The following SGCZ variants were observed in gnomAD, a reference collection of about 807,000 sequenced individuals.
SGCZ encodes sarcoglycan zeta.
Under a neutral mutation model 41.3 loss-of-function variants are expected in SGCZ, and 40 were observed. The observed-to-expected ratio is 0.97, with a 90% CI of 0.75 to 1.26. The LOEUF (loss-of-function observed/expected upper bound fraction) is 1.26. Among genes scored for constraint, SGCZ ranks in the 50% most tolerant of loss-of-function variants. The pLI, the probability that SGCZ is intolerant of heterozygous loss-of-function variation, is 0.00. For missense variants in SGCZ, 552 were observed against 369.8 expected (o/e 1.49, Z -4.04); for synonymous variants, 206 against 137.5 (o/e 1.50, Z -3.49).
chr8:14,308,845 A>C (rs1287503138), intron 3 of SGCZ, among the ~76,000 whole-genome samples: 4 of 152,230 alleles, frequency 2.6e-5, no homozygotes. Context: ...AACTAATGGG[A>C]AAGAATGAAG....
chr8:15,104,005 C>A (rs1806718284), intron 1 of SGCZ, among the ~76,000 whole-genome samples: 1 of 152,148 alleles, frequency 6.6e-6, no homozygotes, highest in Admixed American at 6.5e-5. Context: ...GGATAACAGA[C>A]AATGACTTGG....
chr8:14,331,464 T>A (rs571330602), intron 2 of SGCZ, among the ~76,000 whole-genome samples: 2 of 152,222 alleles, frequency 1.3e-5, no homozygotes, highest in African/African-American at 4.8e-5. Context: ...CTGCTTTATA[T>A]GTGTGTTTTA....
At chr8:15,195,958 C>A (rs1233333783) in intron 1 of SGCZ, among the ~76,000 whole-genome samples, 1 of 118,156 alleles carries the variant, frequency 8.5e-6, no homozygotes, top group Non-Finnish European at 1.7e-5. Flanking sequence ...AGTGCAGTGG[C>A]GCGATCTTGG....
chr8:14,390,110 A>C (rs1804716326), intron 2 of SGCZ, among the ~76,000 whole-genome samples: 1 of 151,996 alleles, frequency 6.6e-6, no homozygotes, highest in Admixed American at 6.6e-5. Flanking sequence ...CCATTAAATA[A>C]AAATTCCATT....
At chr8:15,164,418 G>A (rs1322838494) in intron 1 of SGCZ, among the ~76,000 whole-genome samples, 3 of 152,060 alleles carry the variant, frequency 2.0e-5, no homozygotes, top group Non-Finnish European at 4.4e-5. Flanking sequence ...ACAGGACTGG[G>A]ACGCATGGTC....
chr8:14,228,881 G>A (rs1294992014), intron 4 of SGCZ, among the ~76,000 whole-genome samples: 1 of 152,114 alleles, frequency 6.6e-6, no homozygotes, highest in East Asian at 1.9e-4. Context: ...ATATAGGCAT[G>A]AATGATTTTA....
intron 1 of SGCZ, among the ~76,000 whole-genome samples, chr8:14,774,661 G>C (rs1164952090): frequency 1.3e-5 from 2 of 152,130 alleles, no homozygotes; most frequent in African/African-American, 4.8e-5. Context: ...ATGTGTTTTG[G>C]ATCACCCTAG....
chr8:15,158,317 TC>T (rs1184844559), intron 1 of SGCZ, among the ~76,000 whole-genome samples: 2 of 152,174 alleles, frequency 1.3e-5, no homozygotes, highest in Non-Finnish European at 2.9e-5. Context: ...CCTAAATTTT[TC>T]CTTTTTTGCT....
At chr8:14,654,017 T>C (rs1807483138) in intron 1 of SGCZ, among the ~76,000 whole-genome samples, 1 of 152,106 alleles carries the variant, frequency 6.6e-6, no homozygotes, top group South Asian at 2.1e-4. Flanking sequence ...AATGAAGCCA[T>C]TTAGGACAAT....
intron 3 of SGCZ, among the ~76,000 whole-genome samples, chr8:14,291,419 T>A (rs939894306): frequency 3.3e-5 from 5 of 152,022 alleles, no homozygotes; most frequent in African/African-American, 1.2e-4. Context: ...TGATTATGTG[T>A]CATTCATAAA....
At chr8:14,673,886 A>G (rs1808188539) in intron 1 of SGCZ, among the ~76,000 whole-genome samples, 1 of 152,164 alleles carries the variant, frequency 6.6e-6, no homozygotes, top group East Asian at 1.9e-4. Flanking sequence ...ATGATCTGTG[A>G]TATACACAAT....
chr8:15,048,964 G>A (rs1244913837), intron 1 of SGCZ, among the ~76,000 whole-genome samples: 2 of 152,004 alleles, frequency 1.3e-5, no homozygotes, highest in South Asian at 2.1e-4. Context: ...CAAGACAAAC[G>A]TACTTTACTG....
At chr8:14,838,877 A>C (rs1241638916) in intron 1 of SGCZ, among the ~76,000 whole-genome samples, 1 of 152,156 alleles carries the variant, frequency 6.6e-6, no homozygotes, top group Non-Finnish European at 1.5e-5. Context: ...GAGTCAGCAT[A>C]GCGGGAACAG....
At chr8:14,201,705 T>G (rs1402798731) in intron 4 of SGCZ, among the ~76,000 whole-genome samples, 2 of 152,202 alleles carry the variant, frequency 1.3e-5, no homozygotes, top group Non-Finnish European at 2.9e-5. Context: ...TTGTAGTTAT[T>G]TGACTATATG....
chr8:14,153,189 C>G (rs182492771), intron 5 of SGCZ, among the ~76,000 whole-genome samples: 2 of 152,228 alleles, frequency 1.3e-5, no homozygotes, highest in Non-Finnish European at 1.5e-5. Context: ...TGCAGATTCT[C>G]TCTGTATTAT....
At position 14,271,496 on chromosome 8, in the gene SGCZ, A is replaced by G. The variant is rs190334599; in HGVS notation, c.337-33817T>C. Reference sequence around the variant, plus strand: ...GGAGATGTCTCATTTGACCAACAGGAGATATTTAGGAATGCTGCTTCACTG... The same window carrying G: ...GGAGATGTCTCATTTGACCAACAGGGGATATTTAGGAATGCTGCTTCACTG... On this transcript the variant is annotated intron_variant, in intron 3 of 7. Coordinates refer to ENST00000382080, the MANE Select transcript of SGCZ (RefSeq NM_139167.4). Among the ~76,000 whole-genome samples the G allele has an allele frequency of 2.0e-5, 3 of 152,296 alleles. No individual in the cohort carries two copies. The East Asian group carries it at 5.8e-4, about 29-fold the overall frequency.
chr8:14,565,456 T>C (rs1213259233), intron 1 of SGCZ, among the ~76,000 whole-genome samples: 1 of 152,212 alleles, frequency 6.6e-6, no homozygotes, highest in South Asian at 2.1e-4. Context: ...AAGGTAGTCT[T>C]TTTCCTGCTC....
chr8:15,229,085 A>G (rs759503393), intron 1 of SGCZ, among the ~76,000 whole-genome samples: 139 of 152,240 alleles, frequency 9.1e-4, no homozygotes, highest in Non-Finnish European at 1.6e-3. Flanking sequence ...CCAGCTATTC[A>G]GGAGGCTGAG....
chr8:14,180,924 G>T (rs1187511463), intron 4 of SGCZ, among the ~76,000 whole-genome samples: 1 of 151,802 alleles, frequency 6.6e-6, no homozygotes, highest in African/African-American at 2.4e-5. Flanking sequence ...AAGGGAGGTG[G>T]TTCCAGCTAT....
Sources: gnomAD v4.1 joint callset for allele counts (sites outside exome capture counted in the v4.1 genomes callset) on GRCh38, gnomAD v4.1.1 for gene constraint, MANE v1.5 for transcripts, NCBI Gene and HGNC (gene_info 2026-07-23, HGNC 2026-07-21) for gene names.